The following WWOX variants were observed in gnomAD, a reference collection of about 807,000 sequenced individuals.
WWOX encodes the protein WW domain containing oxidoreductase, also known as WW domain-containing oxidoreductase.
WWOX carries 69 observed loss-of-function variants against 46.2 expected under a neutral mutation model. That is an observed-to-expected ratio of 1.49 (90% CI 1.23 to 1.82). The LOEUF is 1.82. WWOX is among the 40% of genes most tolerant of loss of function. The pLI is 0.00. For missense variants in WWOX, 919 were observed against 542.6 expected (o/e 1.69, Z -6.89); for synonymous variants, 359 against 202.6 (o/e 1.77, Z -6.56).
At chr16:78,772,842 G>A (rs570169881) in intron 8 of WWOX, among the ~76,000 whole-genome samples, 1 of 152,078 alleles carries the variant, frequency 6.6e-6, no homozygotes, top group African/African-American at 2.4e-5. Flanking sequence ...AACATAGCGT[G>A]AACTTGTATC....
At chr16:78,690,238 G>A (rs112975300) in intron 8 of WWOX, among the ~76,000 whole-genome samples, 21 of 152,052 alleles carry the variant, frequency 1.4e-4, no homozygotes, top group Non-Finnish European at 2.8e-4. Flanking sequence ...CGGATATAGT[G>A]CACATGGTGA....
chr16:78,754,770 A>T (rs780193261), intron 8 of WWOX, among the ~76,000 whole-genome samples: 1 of 152,156 alleles, frequency 6.6e-6, no homozygotes, highest in Non-Finnish European at 1.5e-5. Context: ...GCTGAGTTTG[A>T]CAGTGTGAAT....
At position 78,545,800 on chromosome 16, in the gene WWOX, A is replaced by T. The variant is rs184328664; in HGVS notation, c.1056+113048A>T. Among the ~76,000 whole-genome samples, 26 of 152,274 alleles carry T rather than the reference A, an allele frequency of 1.7e-4. No individual in the cohort carries two copies. In the East Asian group the frequency reaches 4.8e-3, roughly 28 times the overall value. On this transcript the variant is annotated intron_variant, in intron 8 of 8. Transcript: ENST00000566780. ...TCTGAGGCCTCTCTCCTTGGCTTGC[A>T]GACGGCCGCCTTCTTGCTCTGTCCT...
At chr16:78,709,620 C>T (rs1266395483) in intron 8 of WWOX, among the ~76,000 whole-genome samples, 1 of 152,156 alleles carries the variant, frequency 6.6e-6, no homozygotes, top group Non-Finnish European at 1.5e-5. Context: ...GGTACCTTCA[C>T]ATTTCAGGCC....
chr16:78,646,502 A>G (rs1567460968), intron 8 of WWOX, among the ~76,000 whole-genome samples: 1 of 152,062 alleles, frequency 6.6e-6, no homozygotes, highest in Non-Finnish European at 1.5e-5. Context: ...ATCTTAGCTC[A>G]CTGCATCCCC....
chr16:78,288,513 C>T (rs1272939211), intron 5 of WWOX, among the ~76,000 whole-genome samples: 1 of 151,650 alleles, frequency 6.6e-6, no homozygotes. Context: ...GCAGTGTTTT[C>T]CCTGCAAAGG....
intron 1 of WWOX, among the ~76,000 whole-genome samples, chr16:78,106,365 A>G (rs2032142867): frequency 5.3e-5 from 8 of 150,878 alleles, no homozygotes; most frequent in Admixed American, 5.3e-4. Flanking sequence ...CCACTGTGCC[A>G]GCAGAGAGCG....
intron 8 of WWOX, among the ~76,000 whole-genome samples, chr16:79,111,919 A>G (rs1428793331): frequency 1.3e-5 from 2 of 152,102 alleles, no homozygotes; most frequent in African/African-American, 2.4e-5. Flanking sequence ...AAGCTTTGCA[A>G]CTGGGTCAAG....
At chr16:78,765,524 C>G (rs1052213188) in intron 8 of WWOX, among the ~76,000 whole-genome samples, 1 of 152,042 alleles carries the variant, frequency 6.6e-6, no homozygotes, top group African/African-American at 2.4e-5. Flanking sequence ...ACTAAAAGTA[C>G]AAAAATTAGC....
At chr16:78,518,293 G>A (rs190311046) in intron 8 of WWOX, among the ~76,000 whole-genome samples, 178 of 152,156 alleles carry the variant, frequency 1.2e-3, no homozygotes, top group African/African-American at 3.9e-3. Context: ...GTGCAGTGGC[G>A]TGATCTCAAC....
chr16:78,882,004 T>C (rs376245010), intron 8 of WWOX, among the ~76,000 whole-genome samples: 1 of 152,118 alleles, frequency 6.6e-6, no homozygotes, highest in African/African-American at 2.4e-5. Context: ...CGCATGCCTG[T>C]AATCCCAGCT....
chr16:79,024,733 C>A (rs1023285774), intron 8 of WWOX, among the ~76,000 whole-genome samples: 1 of 152,116 alleles, frequency 6.6e-6, no homozygotes, highest in Non-Finnish European at 1.5e-5. Flanking sequence ...CCATGCCTGG[C>A]CCTGATTTTT....
intron 8 of WWOX, among the ~76,000 whole-genome samples, chr16:78,515,584 C>G (rs1404262707): frequency 3.3e-5 from 5 of 152,190 alleles, no homozygotes; most frequent in Non-Finnish European, 5.9e-5. Context: ...ATCCGGGCAT[C>G]ACATAGCTAT....
At chr16:78,994,757 G>C (rs769291359) in intron 8 of WWOX, among the ~76,000 whole-genome samples, 1 of 152,132 alleles carries the variant, frequency 6.6e-6, no homozygotes, top group African/African-American at 2.4e-5. Flanking sequence ...CGAAGGCAGA[G>C]AAGGACTTTC....
At position 78,801,860 on chromosome 16, in the gene WWOX, T is replaced by G. The variant is rs535810072; in HGVS notation, c.1056+369108T>G. On this transcript the variant is annotated intron_variant, in intron 8 of 8. Coordinates refer to ENST00000566780, the MANE Select transcript of WWOX (RefSeq NM_016373.4). Reference sequence around the variant, plus strand: ...AACTGAATGTTGATATTTTATAGATTGTTGAGTCCGATTGTCCTGATCTAA... The same window carrying G: ...AACTGAATGTTGATATTTTATAGATGGTTGAGTCCGATTGTCCTGATCTAA... Among the ~76,000 whole-genome samples, 4 of 152,324 alleles carry G rather than the reference T, an allele frequency of 2.6e-5. No individual in the cohort carries two copies. In the South Asian group the frequency reaches 8.3e-4, roughly 32 times the overall value.
chr16:78,894,846 G>C (rs2044666981), intron 8 of WWOX, among the ~76,000 whole-genome samples: 1 of 152,178 alleles, frequency 6.6e-6, no homozygotes, highest in African/African-American at 2.4e-5. Context: ...GCTATTATGA[G>C]AAAAACAGTG....
At chr16:78,861,975 G>A (rs1253103542) in intron 8 of WWOX, among the ~76,000 whole-genome samples, 2 of 152,070 alleles carry the variant, frequency 1.3e-5, no homozygotes. Context: ...AGGAGTCTCT[G>A]GAGAAATTGA....
At chr16:78,608,320 A>G (rs868787739) in intron 8 of WWOX, among the ~76,000 whole-genome samples, 17 of 152,194 alleles carry the variant, frequency 1.1e-4, no homozygotes, top group African/African-American at 4.1e-4. Flanking sequence ...AATGAGGTCT[A>G]TCCTGTTTTG....
intron 5 of WWOX, among the ~76,000 whole-genome samples, chr16:78,212,023 CT>C (rs1253127546): frequency 6.6e-6 from 1 of 152,160 alleles, no homozygotes; most frequent in African/African-American, 2.4e-5. Context: ...TGAACATCTT[CT>C]TTTGTTATTA....
Sources: allele counts gnomAD v4.1 joint callset (sites outside exome capture counted in the v4.1 genomes callset), GRCh38; gene constraint gnomAD v4.1.1; transcripts MANE v1.5; gene names NCBI Gene and HGNC (gene_info 2026-07-23, HGNC 2026-07-21).